The following ZBTB16 variants were observed in gnomAD, a reference collection of about 807,000 sequenced individuals.
ZBTB16 encodes the protein zinc finger and BTB domain-containing protein 16.
Under a neutral mutation model 56.8 loss-of-function variants are expected in ZBTB16, and 8 were observed. The ratio of observed to expected loss-of-function variants is 0.14; its 90% CI spans 0.08 to 0.25. ZBTB16 has a LOEUF of 0.25. ZBTB16 is among the 10% of genes least tolerant of loss of function. ZBTB16 has a pLI of 1.00. For missense variants in ZBTB16, 625 were observed against 903.0 expected, an observed-to-expected ratio of 0.69 and a Z score of 3.95; for synonymous variants, 363 against 368.5, an observed-to-expected ratio of 0.98 and a Z score of 0.17.
intron 2 of ZBTB16, among the ~76,000 whole-genome samples, chr11:114,076,885 T>C (rs984861952): frequency 5.3e-5 from 8 of 152,164 alleles, no homozygotes; most frequent in South Asian, 2.1e-4. Flanking sequence ...TATTTTACTT[T>C]CTGTGTCCTG....
chr11:114,219,980 C>T (rs767095849), intron 4 of ZBTB16, among the ~76,000 whole-genome samples: 8 of 152,204 alleles, frequency 5.3e-5, no homozygotes, highest in Non-Finnish European at 1.2e-4. Flanking sequence ...CCCAGTTTGA[C>T]TGCTGGACCC....
intron 2 of ZBTB16, among the ~76,000 whole-genome samples, chr11:114,093,540 A>G (rs1198268306): frequency 6.6e-6 from 1 of 152,184 alleles, no homozygotes; most frequent in African/African-American, 2.4e-5. Context: ...GACCCCTAGA[A>G]GGAGATGAGT....
intron 4 of ZBTB16, among the ~76,000 whole-genome samples, 189 bp from the exon 5 acceptor site, chr11:114,241,978 C>T (rs1944714812): frequency 1.3e-5 from 2 of 152,328 alleles, no homozygotes; most frequent in South Asian, 2.1e-4. Context: ...GGAACGACGT[C>T]GATTTTGCCC....
At chr11:114,079,817 G>A (rs1353530639) in intron 2 of ZBTB16, among the ~76,000 whole-genome samples, 3 of 152,126 alleles carry the variant, frequency 2.0e-5, no homozygotes, top group African/African-American at 7.2e-5. Flanking sequence ...GGTGGGAAGT[G>A]GACAAGGCCA....
In ZBTB16 at chr11:114,253,054, C is replaced by T. The variant is rs866656820; in HGVS notation, c.*2499C>T. Among the ~76,000 whole-genome samples, 4 of 152,122 alleles carry T rather than the reference C, an allele frequency of 2.6e-5. No individual in the cohort carries two copies. Among genetic ancestry groups the T allele is most frequent in the South Asian group, 2.1e-4 (1 of 4,822 alleles). ...GGGTGAAATCATTTGGGGGAGGGGC[C>T]GTCTGTAAGAAATCATTATGCACTA... is the stretch of plus-strand genomic sequence containing the variant. On this transcript the variant is annotated 3_prime_UTR_variant, in exon 7 of 7. Coordinates refer to ENST00000335953, the MANE Select transcript of ZBTB16 (RefSeq NM_006006.6).
chr11:114,126,184 A>G (rs1166776482), intron 2 of ZBTB16, among the ~76,000 whole-genome samples: 1 of 152,110 alleles, frequency 6.6e-6, no homozygotes, highest in African/African-American at 2.4e-5. Context: ...ATTGGAATCC[A>G]TTTCTTTTGC....
At chr11:114,165,694 C>G (rs149571928) in intron 3 of ZBTB16, among the ~76,000 whole-genome samples, 1,908 of 152,220 alleles carry the variant, frequency 0.013, 20 homozygotes, top group Non-Finnish European at 0.02. Flanking sequence ...CAGGGAGAGG[C>G]CTGAAGCTTC....
chr11:114,199,329 C>T (rs7941603), intron 4 of ZBTB16, among the ~76,000 whole-genome samples: 1,735 of 148,478 alleles, frequency 0.012, 42 homozygotes, highest in African/African-American at 0.039. Context: ...ATGGGGATGC[C>T]GGACATGGAT....
At position 114,129,071 on chromosome 11, in the gene ZBTB16, G is replaced by T. The variant is rs574268824; in HGVS notation, c.1269-27266G>T. The stretch of plus-strand genomic sequence containing the variant: ...CACTTTCATCTGGGTCTGCGTGGGT[G>T]GGGGCGTGTGGTAGCCCAGAACCCA... On this transcript the variant is annotated intron_variant, in intron 2 of 6. Transcript: ENST00000335953. Among the ~76,000 whole-genome samples, 12 of 152,316 alleles carry T rather than the reference G, an allele frequency of 7.9e-5. No individual in the cohort carries two copies. In the East Asian group the frequency reaches 2.1e-3, roughly 27 times the overall value.
chr11:114,190,251 A>G (rs999799311), intron 4 of ZBTB16, among the ~76,000 whole-genome samples: 1 of 152,172 alleles, frequency 6.6e-6, no homozygotes, highest in Admixed American at 6.5e-5. Context: ...ATGACTGCAC[A>G]GCTTCGAATA....
chr11:114,250,789 G>C lies in ZBTB16; in HGVS notation c.*234G>C, dbSNP rs1236611469. On this transcript the variant is annotated 3_prime_UTR_variant, in exon 7 of 7. Coordinates refer to ENST00000335953, the MANE Select transcript of ZBTB16 (RefSeq NM_006006.6). This position sits in a 1 kb window ranked among gnomAD's most constrained non-coding sequence, Gnocchi z 6.0. ...TCCTCTCCCGGCTGGAGGTTTGCCT[G>C]ATTTTCTGGGATGGGGTTGGGTATT... 3.3e-5 allele frequency: 19 copies of C among 577,050 alleles called. No homozygotes were observed. Among genetic ancestry groups the C allele is most frequent in the Non-Finnish European group, 5.2e-5 (17 of 325,210 alleles). The allele number at this position is 577,050 out of a possible 1,614,324, so 35.7% of individuals were successfully genotyped here.
In ZBTB16 at chr11:114,063,178, C is replaced by A; in HGVS notation, c.-90-33C>A. Reference sequence around the variant, plus strand: ...ATGAATTTGTCTTTTGTTCTCTCATCTCTTTTGCTTCTTCCCCTCTTCTTT... The same window carrying A: ...ATGAATTTGTCTTTTGTTCTCTCATATCTTTTGCTTCTTCCCCTCTTCTTT... On this transcript the variant is annotated intron_variant, in intron 1 of 6. Transcript: ENST00000335953. This position sits in a 1 kb window ranked among gnomAD's most constrained non-coding sequence, Gnocchi z 6.5. 1 of 1,089,754 alleles carries A rather than the reference C, an allele frequency of 9.2e-7. No individual in the cohort carries two copies. The highest frequency in any genetic ancestry group is 1.3e-6 in the Non-Finnish European group (1 of 746,430). 67.5% of individuals were successfully genotyped at this position (1,089,754 alleles called of 1,614,324 possible).
chr11:114,161,487 G>T (rs1391239441), intron 3 of ZBTB16, among the ~76,000 whole-genome samples: 4 of 152,180 alleles, frequency 2.6e-5, no homozygotes, highest in Non-Finnish European at 1.5e-5. Context: ...CATCATACAA[G>T]ATGGTAATGT....
At chr11:114,069,998 T>C (rs1476522402) in intron 2 of ZBTB16, among the ~76,000 whole-genome samples, 1 of 152,154 alleles carries the variant, frequency 6.6e-6, no homozygotes, top group Non-Finnish European at 1.5e-5. Flanking sequence ...TGAATATTCA[T>C]ATGTTTTGCT....
At chr11:114,207,604 C>G (rs1055651435) in intron 4 of ZBTB16, among the ~76,000 whole-genome samples, 5 of 151,772 alleles carry the variant, frequency 3.3e-5, no homozygotes, top group Non-Finnish European at 7.4e-5. Flanking sequence ...CACACACACA[C>G]ACACACACAC....
chr11:114,071,229 A>G (rs1468611553), intron 2 of ZBTB16, among the ~76,000 whole-genome samples: 1 of 144,450 alleles, frequency 6.9e-6, no homozygotes, highest in Non-Finnish European at 1.5e-5. Flanking sequence ...GTTTGATTTG[A>G]TTCTGTGTGT....
At chr11:114,089,460 T>C (rs1253653695) in intron 2 of ZBTB16, among the ~76,000 whole-genome samples, 1 of 152,156 alleles carries the variant, frequency 6.6e-6, no homozygotes, top group Non-Finnish European at 1.5e-5. Context: ...TGACCTTTTC[T>C]TTTTTTCTAC....
intron 4 of ZBTB16, chr11:114,237,116 CT>C (rs758458025): frequency 6.6e-6 from 1 of 152,284 alleles, no homozygotes; most frequent in Non-Finnish European, 1.5e-5. Flanking sequence ...AAACCCTGCC[CT>C]CTCTGTACTC....
chr11:114,067,679 T>C (rs1405079202), intron 2 of ZBTB16, among the ~76,000 whole-genome samples: 2 of 152,094 alleles, frequency 1.3e-5, no homozygotes, highest in Non-Finnish European at 2.9e-5. Flanking sequence ...AGTGCTGGGA[T>C]TATAGGTGTG....
Sources: gnomAD v4.1 joint callset for allele counts (sites outside exome capture counted in the v4.1 genomes callset) on GRCh38, gnomAD v4.1.1 for gene constraint, Gnocchi (gnomAD v3.1) non-coding constraint, MANE v1.5 for transcripts, NCBI Gene and HGNC (gene_info 2026-07-23, HGNC 2026-07-21) for gene names.